The following CCDC3 variants were observed in gnomAD, a reference collection of about 807,000 sequenced individuals.
CCDC3 encodes coiled-coil domain-containing protein 3.
In CCDC3, 24 loss-of-function variants were observed where a neutral mutation model predicts 21.4. The observed-to-expected ratio is 1.12, with a 90% CI of 0.81 to 1.58. The LOEUF (loss-of-function observed/expected upper bound fraction) is 1.58. Among genes scored for constraint, CCDC3 ranks in the 40% most tolerant of loss-of-function variants. CCDC3 has a pLI of 0.00. For synonymous variants in CCDC3, 186 were observed against 166.0 expected, an observed-to-expected ratio of 1.12 and a Z score of -0.93; for missense variants, 425 against 360.9, an observed-to-expected ratio of 1.18 and a Z score of -1.44.
intron 4 of CCDC3, among the ~76,000 whole-genome samples, chr10:13,055,259 A>G (rs990169501): frequency 2.6e-5 from 4 of 152,110 alleles, no homozygotes; most frequent in African/African-American, 9.7e-5. Flanking sequence ...GCACAGCACC[A>G]TTTCAGCTGC....
intron 2 of CCDC3, among the ~76,000 whole-genome samples, chr10:12,925,092 C>T (rs898699931): frequency 6.6e-6 from 1 of 152,152 alleles, no homozygotes; most frequent in African/African-American, 2.4e-5. Context: ...GGTAAAGGCA[C>T]ATTTCAGAGG....
In CCDC3 at chr10:13,020,925, A is replaced by C. The variant is rs2668917; in HGVS notation, c.-1-22413T>G. ...TAAATAAATATGAGCACTAGGTATC[A>C]GTAATGACTGGTACTGAGCAAGCAC... On this transcript the variant is annotated intron_variant, in intron 5 of 6. Coordinates refer to the CCDC3 transcript ENST00000378839. 4.2e-3 allele frequency among the ~76,000 whole-genome samples: 635 copies of C among 152,372 alleles called. 7 individuals are homozygous for C. The highest frequency in any genetic ancestry group is 0.015 in the African/African-American group (604 of 41,598).
chr10:13,064,060 T>A (rs1180897660), intron 4 of CCDC3, among the ~76,000 whole-genome samples: 1 of 152,174 alleles, frequency 6.6e-6, no homozygotes, highest in Non-Finnish European at 1.5e-5. Flanking sequence ...CCCAAGTAGC[T>A]GGGACTACAG....
At chr10:12,971,690 A>G (rs1835346129) in intron 2 of CCDC3, among the ~76,000 whole-genome samples, 1 of 151,650 alleles carries the variant, frequency 6.6e-6, no homozygotes, top group Non-Finnish European at 1.5e-5. Flanking sequence ...CGAAGTTTTT[A>G]TTTGTTTGTT....
chr10:13,028,030 G>A (rs1036418346), intron 5 of CCDC3, among the ~76,000 whole-genome samples: 3 of 152,060 alleles, frequency 2.0e-5, no homozygotes, highest in South Asian at 4.2e-4. Context: ...TGTTTACAAC[G>A]ACCAGGCTAC....
intron 5 of CCDC3, among the ~76,000 whole-genome samples, chr10:13,048,051 G>T (rs12356199): frequency 6.6e-6 from 1 of 152,154 alleles, no homozygotes; most frequent in Admixed American, 6.5e-5. Flanking sequence ...CACCTCACGC[G>T]CAATGTAAGG....
chr10:12,939,164 C>G (rs1834782610), intron 2 of CCDC3, among the ~76,000 whole-genome samples: 2 of 152,056 alleles, frequency 1.3e-5, no homozygotes, highest in Non-Finnish European at 2.9e-5. Context: ...CGCATTCGCC[C>G]TTATCAATGA....
intron 5 of CCDC3, among the ~76,000 whole-genome samples, chr10:13,046,674 T>G (rs1353549697): frequency 6.9e-6 from 1 of 144,640 alleles, no homozygotes; most frequent in African/African-American, 2.6e-5. Context: ...GCCATTGCAC[T>G]CCCGCCTGGG....
intron 3 of CCDC3, among the ~76,000 whole-genome samples, chr10:13,080,637 A>G (rs756127465): frequency 1.1e-4 from 17 of 152,276 alleles, no homozygotes; most frequent in Non-Finnish European, 1.9e-4. Context: ...AACCCCTTAT[A>G]AAGAAAATCT....
intron 5 of CCDC3, among the ~76,000 whole-genome samples, chr10:13,014,435 G>C (rs1332872571): frequency 1.4e-5 from 2 of 141,136 alleles, no homozygotes; most frequent in African/African-American, 5.2e-5. Context: ...GGGCGACAGA[G>C]TGAGACTCTG....
intron 5 of CCDC3, among the ~76,000 whole-genome samples, chr10:13,035,713 A>C (rs7072705): frequency 0.28 from 41,977 of 152,158 alleles, 5,904 homozygotes; most frequent in Middle Eastern, 0.33. Context: ...ACCCAGGGCT[A>C]CTTGACTTAA....
At chr10:13,098,933 T>G (rs1293529578) in intron 2 of CCDC3, among the ~76,000 whole-genome samples, 2 of 151,898 alleles carry the variant, frequency 1.3e-5, no homozygotes, top group Non-Finnish European at 2.9e-5. Flanking sequence ...GCCAGGCTGG[T>G]CTCGAACTCC....
chr10:13,010,057 G>A (rs1835966874), intron 5 of CCDC3, among the ~76,000 whole-genome samples: 1 of 152,156 alleles, frequency 6.6e-6, no homozygotes, highest in South Asian at 2.1e-4. Flanking sequence ...AGACCAGCCT[G>A]GCCAACGTGG....
At chr10:12,979,577 G>C (rs991092608) in intron 2 of CCDC3, among the ~76,000 whole-genome samples, 1 of 151,848 alleles carries the variant, frequency 6.6e-6, no homozygotes, top group Non-Finnish European at 1.5e-5. Flanking sequence ...TCTTGCTGTT[G>C]CCCATGCTCA....
chr10:13,061,190 T>C (rs1564336260), intron 4 of CCDC3, among the ~76,000 whole-genome samples: 4 of 152,212 alleles, frequency 2.6e-5, no homozygotes, highest in Admixed American at 2.0e-4. Flanking sequence ...TTATGGATTT[T>C]CCAGCCATTC....
intron 2 of CCDC3, among the ~76,000 whole-genome samples, chr10:12,916,356 T>C (rs1189787618): frequency 7.0e-6 from 1 of 143,034 alleles, no homozygotes; most frequent in Non-Finnish European, 1.5e-5. Context: ...CTCTTGAACC[T>C]GGGAGGCGGA....
intron 4 of CCDC3, among the ~76,000 whole-genome samples, chr10:13,067,632 T>C (rs1056191107): frequency 6.6e-6 from 1 of 152,200 alleles, no homozygotes; most frequent in Non-Finnish European, 1.5e-5. Flanking sequence ...GCCTCCACCA[T>C]TTTACAATGG....
chr10:13,040,776 G>C (rs1836443991), intron 5 of CCDC3, among the ~76,000 whole-genome samples: 1 of 151,086 alleles, frequency 6.6e-6, no homozygotes, highest in Non-Finnish European at 1.5e-5. Flanking sequence ...ATAAATTCCA[G>C]GTTACTAAAC....
At chr10:13,022,532 C>T (rs192411324) in intron 5 of CCDC3, among the ~76,000 whole-genome samples, 129 of 152,218 alleles carry the variant, frequency 8.5e-4, no homozygotes, top group African/African-American at 3.0e-3. Context: ...AAAATAATTG[C>T]GGTTTTTGCC....
Sources: gnomAD v4.1 joint callset for allele counts (sites outside exome capture counted in the v4.1 genomes callset) on GRCh38, gnomAD v4.1.1 for gene constraint, MANE v1.5 for transcripts, NCBI Gene and HGNC (gene_info 2026-07-23, HGNC 2026-07-21) for gene names.